The following STT3A variants were observed in gnomAD, a reference collection of about 807,000 sequenced individuals.
STT3A encodes the protein STT3 oligosaccharyltransferase complex catalytic subunit A, also known as dolichyl-diphosphooligosaccharide--protein glycosyltransferase subunit STT3A.
STT3A carries 34 observed loss-of-function variants against 89.2 expected under a neutral mutation model. The ratio of observed to expected loss-of-function variants is 0.38; its 90% confidence interval spans 0.29 to 0.51. STT3A has a LOEUF of 0.51. Among genes scored for constraint, STT3A ranks in the 20% least tolerant of loss-of-function variants. The pLI, the probability that STT3A is intolerant of heterozygous loss-of-function variation, is 0.89. For missense variants in STT3A, 555 were observed against 889.5 expected, an observed-to-expected ratio of 0.62 and a Z score of 4.78; for synonymous variants, 282 against 310.3, an observed-to-expected ratio of 0.91 and a Z score of 0.96.
intron 1 of STT3A, among the ~76,000 whole-genome samples, chr11:125,595,535 T>G (rs961204173): frequency 1.3e-5 from 2 of 152,174 alleles, no homozygotes; most frequent in Non-Finnish European, 2.9e-5. Context: ...TTTATTATTT[T>G]TCAGTATTTC....
chr11:125,592,283 C>G (rs1366892203), upstream of STT3A: 1 of 395,994 alleles, frequency 2.5e-6, no homozygotes, highest in Non-Finnish European at 5.1e-6. Context: ...AGTAAAAGCT[C>G]GAGTCAACTA....
chr11:125,613,152 A>G lies in STT3A; in HGVS notation c.1529A>G (p.Tyr510Cys). 6.3e-7 allele frequency: 1 copy of G among 1,575,718 alleles called. No individual in the cohort carries two copies. The highest frequency in any genetic ancestry group is 8.7e-7 in the Non-Finnish European group (1 of 1,154,956). ...IIFDDFREAY[Y>C]WLRHNTPEDA... ...TTTGATGACTTCCGAGAAGCATATT[A>G]TTGGCTTCGTCATAATACTCCAGAG... is the stretch of plus-strand genomic sequence containing the variant. The change falls in exon 13 of 18, where the codon TAT becomes TGT. Residue 510 changes from tyrosine (Y) to cysteine (C), a missense_variant. Tyr to Cys is a radical substitution (Grantham distance 194). This residue lies in a region of STT3A where 273 missense variants were observed against 449.8 expected (regional missense o/e 0.61). Coordinates refer to ENST00000392708, the MANE Select transcript of STT3A (RefSeq NM_152713.5). The surrounding 1 kb of genome is among the most constrained non-coding windows in gnomAD (Gnocchi z 4.2).
chr11:125,598,877 G>T (rs1321896911), intron 3 of STT3A, among the ~76,000 whole-genome samples: 1 of 152,130 alleles, frequency 6.6e-6, no homozygotes, highest in African/African-American at 2.4e-5. Context: ...CAAAGTACTG[G>T]CATTACAGGT....
At chr11:125,605,001 C>T (rs939239382) in intron 6 of STT3A, among the ~76,000 whole-genome samples, 1 of 152,160 alleles carries the variant, frequency 6.6e-6, no homozygotes, top group Non-Finnish European at 1.5e-5. Flanking sequence ...ACTCTGGAGA[C>T]TGAAGTGGGA....
chr11:125,609,130 C>T (rs1228133995), intron 9 of STT3A, among the ~76,000 whole-genome samples: 3 of 152,214 alleles, frequency 2.0e-5, no homozygotes, highest in South Asian at 2.1e-4. Context: ...GATTTAATCT[C>T]TACAGTTGGC....
chr11:125,618,114 C>A (rs941832884), intron 15 of STT3A, among the ~76,000 whole-genome samples: 3 of 152,114 alleles, frequency 2.0e-5, no homozygotes, highest in Non-Finnish European at 4.4e-5. Flanking sequence ...CCTAGCTAAT[C>A]TATAGGACCA....
chr11:125,592,361 T>C (rs1373887181), upstream of STT3A: 3 of 455,794 alleles, frequency 6.6e-6, no homozygotes, highest in Non-Finnish European at 8.8e-6. Context: ...TGAGAATAAA[T>C]AGGTAGAAAA....
rs912974096 is a variant in STT3A at position 125,622,224 on chromosome 11, G to A, written c.*1414G>A. On this transcript the variant is annotated 3_prime_UTR_variant, in exon 18 of 18. Coordinates refer to ENST00000392708, the MANE Select transcript of STT3A (RefSeq NM_152713.5). ...AGATTAGTCATAGTGGTGCTCCTAA[G>A]GGATATGCTGTTGTATATTTGTATA... 1.2e-4 allele frequency: 19 copies of A among 152,178 alleles called. No individual in the cohort carries two copies. Among genetic ancestry groups the A allele is most frequent in the Admixed American group, 2.6e-4 (4 of 15,274 alleles). 9.4% of individuals were successfully genotyped at this position (152,178 alleles called of 1,614,324 possible). A position where few individuals can be genotyped will look rare whatever the true frequency, so the allele number is the denominator to read the frequency against.
In STT3A at chr11:125,604,257, T is replaced by C. The variant is rs1026279124; in HGVS notation, c.508+10T>C. On this transcript the variant is annotated intron_variant, in intron 6 of 17. Transcript: ENST00000392708. Reference sequence around the variant, plus strand: ...TCCTATGATAATGAAGGTAAGACTTTTAAAATGCTGAAGAAGATCATCTCA... The same window carrying C: ...TCCTATGATAATGAAGGTAAGACTTCTAAAATGCTGAAGAAGATCATCTCA... The C allele has an allele frequency of 4.3e-6, 7 of 1,613,414 alleles. No individual in the cohort carries two copies. Among genetic ancestry groups the C allele is most frequent in the Non-Finnish European group, 5.9e-6 (7 of 1,179,450 alleles).
At position 125,614,678 on chromosome 11, in the gene STT3A, A is replaced by G. The variant is rs911039845; in HGVS notation, c.1774+252A>G. The stretch of plus-strand genomic sequence containing the variant: ...TTGTCTAAGGCATAGAAGTAGTTCC[A>G]CAACCAGTAATAAAACCAAGCTGAA... On this transcript the variant is annotated intron_variant, in intron 15 of 17. Coordinates refer to ENST00000392708, the MANE Select transcript of STT3A (RefSeq NM_152713.5). This position sits in a 1 kb window ranked among gnomAD's most constrained non-coding sequence, Gnocchi z 4.9. Among the ~76,000 whole-genome samples the G allele has an allele frequency of 6.6e-6, 1 of 152,158 alleles. No homozygotes were observed. The highest frequency in any genetic ancestry group is 2.4e-5 in the African/African-American group (1 of 41,446).
In STT3A at chr11:125,608,227, G is replaced by A. The variant is rs534590797; in HGVS notation, c.899G>A (p.Arg300Gln). Residue 300 changes from arginine to glutamine, a missense_variant, in exon 9 of 18, where the codon CGG (arginine) becomes CAG (glutamine). By Grantham distance (43) the Arg-to-Gln change is conservative (BLOSUM62 1). This residue lies in a region of STT3A where 149 missense variants were observed against 206.2 expected (regional missense o/e 0.72). Coordinates refer to ENST00000392708, the MANE Select transcript of STT3A (RefSeq NM_152713.5). ...LNPQQFEVLFRSVISLVGFVL... is the reference protein window; with the variant it reads ...LNPQQFEVLFQSVISLVGFVL... The stretch of plus-strand genomic sequence containing the variant: ...CCACAACAATTTGAAGTTCTTTTCC[G>A]GAGCGTCATCTCTCTGGTAGGCTTT... The A allele has an allele frequency of 8.7e-6, 14 of 1,614,114 alleles. No individual in the cohort carries two copies. Among genetic ancestry groups the A allele is most frequent in the African/African-American group, 2.7e-5 (2 of 75,036 alleles).
intron 16 of STT3A, among the ~76,000 whole-genome samples, chr11:125,619,527 A>G (rs548919118): frequency 1.5e-4 from 23 of 152,306 alleles, no homozygotes; most frequent in African/African-American, 5.5e-4. Context: ...TGAAGACAGG[A>G]ACAAAAGGGA....
chr11:125,615,102 C>T (rs181730980), intron 15 of STT3A, among the ~76,000 whole-genome samples: 3 of 152,130 alleles, frequency 2.0e-5, no homozygotes, highest in African/African-American at 7.2e-5. Flanking sequence ...ATAGTGAAAC[C>T]TTGTCTCTAC....
At chr11:125,606,565 T>G in intron 8 of STT3A, 100 bp downstream of exon 8, 1 of 1,312,428 alleles carries the variant, frequency 7.6e-7, no homozygotes, top group Admixed American at 2.6e-5. Flanking sequence ...GTACGACTTA[T>G]TCACAGCCTT....
chr11:125,592,549 T>A, upstream of STT3A: 1 of 449,458 alleles, frequency 2.2e-6, no homozygotes, highest in South Asian at 1.6e-5. Flanking sequence ...CCACTGCGAC[T>A]CCCCGTGGGT....
chr11:125,612,798 T>C (rs1427831197), intron 12 of STT3A, 51 bp downstream of exon 12: 1 of 1,593,360 alleles, frequency 6.3e-7, no homozygotes, highest in Non-Finnish European at 8.6e-7. Context: ...TGTGTGTGTG[T>C]ATGTGTGTAT....
chr11:125,616,150 A>T (rs1420341659), intron 15 of STT3A, among the ~76,000 whole-genome samples: 1 of 152,208 alleles, frequency 6.6e-6, no homozygotes, highest in African/African-American at 2.4e-5. Context: ...GTATCCATGG[A>T]GGATTGTTTC....
In STT3A at chr11:125,602,610, G is replaced by A. The variant is rs546277701; in HGVS notation, c.271+186G>A. 18 of 1,053,232 alleles carry A rather than the reference G, an allele frequency of 1.7e-5. No individual in the cohort carries two copies. In the East Asian group the frequency reaches 4.7e-4, roughly 28 times the overall value. The allele number at this position is 1,053,232 out of a possible 1,614,324, so 65.2% of individuals were successfully genotyped here. A position where few individuals can be genotyped will look rare whatever the true frequency, so the allele number is the denominator to read the frequency against. Reference sequence around the variant, plus strand: ...ATTTGTAGTAGAGTGGAGATGGGTGGTTTTTATACATTCTAGACTTCTGAT... The same window carrying A: ...ATTTGTAGTAGAGTGGAGATGGGTGATTTTTATACATTCTAGACTTCTGAT... On this transcript the variant is annotated intron_variant, in intron 4 of 17. Transcript: ENST00000392708.
chr11:125,609,722 C>T, intron 10 of STT3A, 133 bp downstream of exon 10: 1 of 1,047,910 alleles, frequency 9.5e-7, no homozygotes, highest in Non-Finnish European at 1.3e-6. Flanking sequence ...GACGGCTAAG[C>T]AAATTTTCTC....
Sources: gnomAD v4.1 joint callset for allele counts (sites outside exome capture counted in the v4.1 genomes callset) on GRCh38, gnomAD v4.1.1 for gene constraint, gnomAD v4.1.1 regional missense constraint, Gnocchi (gnomAD v3.1) non-coding constraint, MANE v1.5 for transcripts, NCBI Gene and HGNC (gene_info 2026-07-23, HGNC 2026-07-21) for gene names.